CYCS: variants seen among roughly 807,000 people sequenced by gnomAD.
CYCS encodes cytochrome c, somatic, also known as cytochrome c.
For synonymous variants in CYCS, 41 were observed against 43.0 expected, an observed-to-expected ratio of 0.95 and a Z score of 0.18; for missense variants, 87 against 125.3, an observed-to-expected ratio of 0.69 and a Z score of 1.46.
rs147161481 is a variant in CYCS, at chr7:25,124,850, G to A, written c.-9+350C>T. 4.0e-3 allele frequency: 616 copies of A among 152,732 alleles called. 8 individuals carry two copies. The highest frequency in any genetic ancestry group is 0.014 in the African/African-American group (597 of 41,588). The allele number at this position is 152,732 out of a possible 1,614,324, so 9.5% of individuals were successfully genotyped here. A position where few individuals can be genotyped will look rare whatever the true frequency, so the allele number is the denominator to read the frequency against. ...AGAGCAACAGCTTTTGCCCTCTGAA[G>A]AAGAACGTGAAGCTCTAAGCTTCGG... On this transcript the variant is annotated intron_variant, in intron 1 of 2. Coordinates refer to ENST00000305786, the MANE Select transcript of CYCS (RefSeq NM_018947.6).
Position 25,123,989 on chromosome 7 carries a change from G to T in CYCS, c.131C>A (p.Ala44Asp). The T allele has an allele frequency of 6.2e-7, 1 of 1,614,148 alleles. No individual in the cohort carries two copies. Among genetic ancestry groups the T allele is most frequent in the Non-Finnish European group, 8.5e-7 (1 of 1,180,034 alleles). Residue 44 changes from alanine to aspartate, a missense_variant, in exon 2 of 3, where the codon GCC becomes GAC. Ala to Asp is a moderately radical substitution (Grantham distance 126). Transcript: ENST00000305786. ...HGLFGRKTGQ[A>D]PGYSYTAANK... Reference sequence around the variant, plus strand: ...GGCGGCTGTGTAAGAGTATCCAGGGGCCTGACCTGTCTTCCGCCCAAAGAG... The same window carrying T: ...GGCGGCTGTGTAAGAGTATCCAGGGTCCTGACCTGTCTTCCGCCCAAAGAG...
At position 25,119,005 on chromosome 7, in the gene CYCS, G is replaced by C. The variant is rs1375328370; in HGVS notation, c.*4696C>G. Among the ~76,000 whole-genome samples, 3 of 152,088 alleles carry C rather than the reference G, an allele frequency of 2.0e-5. No individual in the cohort carries two copies. The highest frequency in any genetic ancestry group is 7.2e-5 in the African/African-American group (3 of 41,408). ...AAATGGATATCCAACATTTTGTACT[G>C]AACTCTAAGGATATGAACACCAGGA... On this transcript the variant is annotated 3_prime_UTR_variant, in exon 3 of 3. Transcript: ENST00000305786.
rs897661666 is a variant in CYCS at position 25,121,938 on chromosome 7, T to G, written c.*1763A>C. The G allele has an allele frequency of 6.7e-6, 1 of 149,966 alleles. No homozygotes were observed. Among genetic ancestry groups the G allele is most frequent in the African/African-American group, 2.5e-5 (1 of 40,656 alleles). 9.3% of individuals were successfully genotyped at this position (149,966 alleles called of 1,614,324 possible). On this transcript the variant is annotated 3_prime_UTR_variant, in exon 3 of 3. Transcript: ENST00000305786. ...CGTGACCATGTCTCAAAAAACAAAC[T>G]AAACGCCACAACTAGCCAAGATGGA...
Position 25,118,869 on chromosome 7 carries a change from T to G in CYCS, c.*4832A>C, listed in dbSNP as rs1783315657. ...ACACATACAACCTGCACTTTTACTCTTTGAGAAATGAATGCAGTAAATTTA... is the reference window on the plus strand; with the variant it reads ...ACACATACAACCTGCACTTTTACTCGTTGAGAAATGAATGCAGTAAATTTA... On this transcript the variant is annotated 3_prime_UTR_variant, in exon 3 of 3. Coordinates refer to ENST00000305786, the MANE Select transcript of CYCS (RefSeq NM_018947.6). Among the ~76,000 whole-genome samples the G allele has an allele frequency of 6.6e-6, 1 of 152,214 alleles. No homozygotes were observed. Among genetic ancestry groups the G allele is most frequent in the Non-Finnish European group, 1.5e-5 (1 of 68,032 alleles).
At chr7:25,124,272 C>T in intron 1 of CYCS, 145 bp from the exon 2 acceptor site, 1 of 709,808 alleles carries the variant, frequency 1.4e-6, no homozygotes. Flanking sequence ...TGCTTTAATA[C>T]TCTTTATACC....
chr7:25,118,849 T>C lies in CYCS; in HGVS notation c.*4852A>G, dbSNP rs1305911549. On this transcript the variant is annotated 3_prime_UTR_variant, in exon 3 of 3. Transcript: ENST00000305786. ...ACATGTTTAAATGTTCATAGACACA[T>C]ACAACCTGCACTTTTACTCTTTGAG... Among the ~76,000 whole-genome samples the C allele has an allele frequency of 2.0e-5, 3 of 152,228 alleles. No individual in the cohort carries two copies. The highest frequency in any genetic ancestry group is 7.2e-5 in the African/African-American group (3 of 41,464).
At position 25,120,074 on chromosome 7, in the gene CYCS, C is replaced by G. The variant is rs530346611; in HGVS notation, c.*3627G>C. The G allele has an allele frequency of 1.2e-4, 18 of 149,300 alleles. No homozygotes were observed. Among genetic ancestry groups the G allele is most frequent in the Middle Eastern group, 3.4e-3 (1 of 294 alleles). 9.2% of individuals were successfully genotyped at this position (149,300 alleles called of 1,614,324 possible). A position where few individuals can be genotyped will look rare whatever the true frequency, so the allele number is the denominator to read the frequency against. On this transcript the variant is annotated 3_prime_UTR_variant, in exon 3 of 3. Transcript: ENST00000305786. The stretch of plus-strand genomic sequence containing the variant: ...CTATTCTGAAGGGCAATATAATGTA[C>G]TTCCAAGAATTCTAGATTTTTTTTT...
intron 2 of CYCS, 34 bp from the exon 3 acceptor site, chr7:25,123,883 C>T: frequency 6.2e-7 from 1 of 1,614,178 alleles, no homozygotes; most frequent in Admixed American, 1.7e-5. Flanking sequence ...TTATTTCACA[C>T]TCCTGATAGT....
rs1264008352 is a variant in CYCS, at chr7:25,120,415, G to C, written c.*3286C>G. 1.1e-4 allele frequency: 17 copies of C among 152,158 alleles called. No individual in the cohort carries two copies. The highest frequency in any genetic ancestry group is 1.0e-3 in the Admixed American group (16 of 15,276). 9.4% of individuals were successfully genotyped at this position (152,158 alleles called of 1,614,324 possible). On this transcript the variant is annotated 3_prime_UTR_variant, in exon 3 of 3. Coordinates refer to ENST00000305786, the MANE Select transcript of CYCS (RefSeq NM_018947.6). Reference sequence around the variant, plus strand: ...CTAGATTTAATAGAGTAAAGAGAAAGTACTTTTGTTACAGACCACTGGTTC... The same window carrying C: ...CTAGATTTAATAGAGTAAAGAGAAACTACTTTTGTTACAGACCACTGGTTC...
intron 1 of CYCS, chr7:25,124,818 T>C (rs752030499): frequency 6.5e-6 from 1 of 152,910 alleles, no homozygotes; most frequent in Non-Finnish European, 1.5e-5. Context: ...ACTGGCCCCT[T>C]ATTAGAAGAG....
rs917180649 is a variant in CYCS at position 25,120,351 on chromosome 7, G to A, written c.*3350C>T. The A allele has an allele frequency of 6.6e-6, 1 of 152,274 alleles. No individual in the cohort carries two copies. Among genetic ancestry groups the A allele is most frequent in the African/African-American group, 2.4e-5 (1 of 41,452 alleles). The allele number at this position is 152,274 out of a possible 1,614,324, so 9.4% of individuals were successfully genotyped here. Reference sequence around the variant, plus strand: ...TCTGCCTGCCTTGGCCTCCCAAAGTGCTGGGATTACAGGCATGAGCGACCA... The same window carrying A: ...TCTGCCTGCCTTGGCCTCCCAAAGTACTGGGATTACAGGCATGAGCGACCA... On this transcript the variant is annotated 3_prime_UTR_variant, in exon 3 of 3. Coordinates refer to ENST00000305786, the MANE Select transcript of CYCS (RefSeq NM_018947.6).
rs1208307072 is a variant in CYCS, at chr7:25,122,342, A to G, written c.*1359T>C. 6.6e-6 allele frequency: 1 copy of G among 152,218 alleles called. No homozygotes were observed. Among genetic ancestry groups the G allele is most frequent in the Non-Finnish European group, 1.5e-5 (1 of 68,046 alleles). 9.4% of individuals were successfully genotyped at this position (152,218 alleles called of 1,614,324 possible). On this transcript the variant is annotated 3_prime_UTR_variant, in exon 3 of 3. Coordinates refer to ENST00000305786, the MANE Select transcript of CYCS (RefSeq NM_018947.6). ...TTAAAACACCTATCTAATCGTCCCT[A>G]TCACCTTTGAGACCATGGATTCACA...
Position 25,124,052 on chromosome 7 carries a change from T to C in CYCS, c.68A>G (p.Lys23Arg). 6.2e-7 allele frequency: 1 copy of C among 1,613,716 alleles called. No homozygotes were observed. ...MKCSQCHTVE[K>R]GGKHKTGPNL... ...TGGCCCAGTCTTGTGCTTGCCTCCC[T>C]TTTCAACGGTGTGGCACTGGGAACA... The change falls in exon 2 of 3, where the codon AAG (lysine) becomes AGG (arginine). Residue 23 changes from lysine to arginine, a missense_variant. Lys to Arg is a conservative substitution (Grantham distance 26). Transcript: ENST00000305786.
rs1299135313 is a variant in CYCS, at chr7:25,125,257, C to G, written c.-66G>C. On this transcript the variant is annotated 5_prime_UTR_variant, in exon 1 of 3. Coordinates refer to ENST00000305786, the MANE Select transcript of CYCS (RefSeq NM_018947.6). ...CGCTCCGAAGCCGGACGTCCCCACT[C>G]TCTAAGTCCAAGGACACGCCGGTCC... The G allele has an allele frequency of 6.5e-6, 1 of 152,760 alleles. No homozygotes were observed. Among genetic ancestry groups the G allele is most frequent in the Non-Finnish European group, 1.5e-5 (1 of 68,104 alleles). The allele number at this position is 152,760 out of a possible 1,614,324, so 9.5% of individuals were successfully genotyped here.
In CYCS at chr7:25,123,093, G is replaced by A. The variant is rs753258621; in HGVS notation, c.*608C>T. ...AGCATGTGACCTTATAGATCTGTAAGATGTGAGAGGTGTTGAATAATCTTT... is the reference window on the plus strand; with the variant it reads ...AGCATGTGACCTTATAGATCTGTAAAATGTGAGAGGTGTTGAATAATCTTT... On this transcript the variant is annotated 3_prime_UTR_variant, in exon 3 of 3. Transcript: ENST00000305786. The A allele has an allele frequency of 2.6e-5, 4 of 154,726 alleles. No individual in the cohort carries two copies. The highest frequency in any genetic ancestry group is 5.7e-5 in the Non-Finnish European group (4 of 69,614). 9.6% of individuals were successfully genotyped at this position (154,726 alleles called of 1,614,324 possible). A position where few individuals can be genotyped will look rare whatever the true frequency, so the allele number is the denominator to read the frequency against.
In CYCS at chr7:25,123,253, T is replaced by C. The variant is rs1418467116; in HGVS notation, c.*448A>G. 1 of 198,362 alleles carries C rather than the reference T, an allele frequency of 5.0e-6. No individual in the cohort carries two copies. The highest frequency in any genetic ancestry group is 2.4e-5 in the African/African-American group (1 of 42,310). 12.3% of individuals were successfully genotyped at this position (198,362 alleles called of 1,614,324 possible). A position where few individuals can be genotyped will look rare whatever the true frequency, so the allele number is the denominator to read the frequency against. On this transcript the variant is annotated 3_prime_UTR_variant, in exon 3 of 3. Transcript: ENST00000305786. ...TTGCTACCTTATTTATCTTCAACCCTTGCCTTTAAGAGGCAAATGAACATG... is the reference window on the plus strand; with the variant it reads ...TTGCTACCTTATTTATCTTCAACCCCTGCCTTTAAGAGGCAAATGAACATG...
Position 25,119,088 on chromosome 7 carries a change from C to T in CYCS, c.*4613G>A, listed in dbSNP as rs183891191. On this transcript the variant is annotated 3_prime_UTR_variant, in exon 3 of 3. Coordinates refer to ENST00000305786, the MANE Select transcript of CYCS (RefSeq NM_018947.6). Reference sequence around the variant, plus strand: ...CAAAGCAGCAGCTCAGTATGTACCCCGACAGTGCCTAGAAGAGACTTATGT... The same window carrying T: ...CAAAGCAGCAGCTCAGTATGTACCCTGACAGTGCCTAGAAGAGACTTATGT... 5.1e-4 allele frequency among the ~76,000 whole-genome samples: 77 copies of T among 152,228 alleles called. No individual in the cohort carries two copies. The highest frequency in any genetic ancestry group is 1.6e-3 in the African/African-American group (68 of 41,544).
At chr7:25,123,906 A>G (rs1231339764) in intron 2 of CYCS, 45 bp downstream of exon 2, 1 of 1,614,078 alleles carries the variant, frequency 6.2e-7, no homozygotes, top group Admixed American at 1.7e-5. Flanking sequence ...GCCACATGTT[A>G]TATTCCTGCA....
rs1783357177 is a variant in CYCS at position 25,121,180 on chromosome 7, G to GAT, written c.*2520_*2521insAT. On this transcript the variant is annotated 3_prime_UTR_variant, in exon 3 of 3. Coordinates refer to ENST00000305786, the MANE Select transcript of CYCS (RefSeq NM_018947.6). ...CATTTTAAACCACCAGAAGTGCTTGGGTATAACTGACCTAGAACATGGCAG... is the reference window on the plus strand; with the variant it reads ...CATTTTAAACCACCAGAAGTGCTTGGATGTATAACTGACCTAGAACATGGCAG... 5 of 152,044 alleles carry GAT rather than the reference G, an allele frequency of 3.3e-5. No homozygotes were observed. The highest frequency in any genetic ancestry group is 3.3e-4 in the Admixed American group (5 of 15,262). 9.4% of individuals were successfully genotyped at this position (152,044 alleles called of 1,614,324 possible).
Sources: allele counts gnomAD v4.1 joint callset (sites outside exome capture counted in the v4.1 genomes callset), GRCh38; gene constraint gnomAD v4.1.1; transcripts MANE v1.5; gene names NCBI Gene and HGNC (gene_info 2026-07-23, HGNC 2026-07-21).